Variants in ZNF718 observed in about 807,000 individuals in gnomAD.
ZNF718 encodes zinc finger protein 718.
ZNF718 carries 3 observed loss-of-function variants against 2.6 expected under a neutral mutation model. That is an observed-to-expected ratio of 1.16 (90% confidence interval 0.53 to 3.01). ZNF718 has a LOEUF of 3.01. Among genes scored for constraint, ZNF718 ranks in the 30% most tolerant of loss-of-function variants. ZNF718 has a pLI of 0.03. For missense variants in ZNF718, 468 were observed against 230.0 expected (o/e 2.03, Z -6.69); for synonymous variants, 135 against 77.9 (o/e 1.73, Z -3.86).
chr4:136,296 T>C (rs1303283585), intron 3 of ZNF718: 2 of 497,898 alleles, frequency 4.0e-6, no homozygotes, highest in Non-Finnish European at 8.0e-6. Context: ...GGACTGTGGC[T>C]GTGAGGGCTA....
chr4:199,738 G>A (rs1553822499), intron 3 of ZNF718, among the ~76,000 whole-genome samples: 1 of 152,164 alleles, frequency 6.6e-6, no homozygotes, highest in East Asian at 1.9e-4. Context: ...GTGACTTGCT[G>A]GGTTTGGGGA....
At chr4:126,270 A>G (rs1715215913) in intron 1 of ZNF718, among the ~76,000 whole-genome samples, 1 of 152,214 alleles carries the variant, frequency 6.6e-6, no homozygotes. Context: ...AGGCTTAATG[A>G]TTTCTCTTTA....
At chr4:142,253 C>T (rs1223577461) in intron 3 of ZNF718, among the ~76,000 whole-genome samples, 1 of 152,156 alleles carries the variant, frequency 6.6e-6, no homozygotes, top group Non-Finnish European at 1.5e-5. Context: ...AAAACTCTTA[C>T]CTTTGAATTT....
intron 3 of ZNF718, among the ~76,000 whole-genome samples, chr4:141,593 G>A (rs1553810251): frequency 6.6e-6 from 1 of 152,136 alleles, no homozygotes; most frequent in Non-Finnish European, 1.5e-5. Flanking sequence ...TATTTGACAT[G>A]TTTGGGTACA....
intron 3 of ZNF718, among the ~76,000 whole-genome samples, chr4:195,229 T>G (rs1717768710): frequency 6.6e-6 from 1 of 152,196 alleles, no homozygotes; most frequent in East Asian, 1.9e-4. Flanking sequence ...ATTGAGATAG[T>G]TTTTTGATTC....
intron 3 of ZNF718, among the ~76,000 whole-genome samples, chr4:199,074 T>G (rs1318827691): frequency 6.6e-6 from 1 of 152,184 alleles, no homozygotes; most frequent in Non-Finnish European, 1.5e-5. Flanking sequence ...AACAAAATTA[T>G]GTGTGTGAGC....
chr4:184,989 T>A (rs1717539352), intron 3 of ZNF718, among the ~76,000 whole-genome samples: 1 of 152,154 alleles, frequency 6.6e-6, no homozygotes, highest in Non-Finnish European at 1.5e-5. Context: ...TTTTTTTGTG[T>A]CTCTATTATG....
chr4:158,487 CCTTA>C (rs34009669), intron 3 of ZNF718, among the ~76,000 whole-genome samples: 79,021 of 150,682 alleles, frequency 0.52, 21,047 homozygotes, highest in East Asian at 0.8. Flanking sequence ...ATTGATAGGC[CCTTA>C]CTTCTTGTTT....
At chr4:124,761 G>C in intron 1 of ZNF718, 88 bp downstream of exon 1, 5 of 1,554,674 alleles carry the variant, frequency 3.2e-6, no homozygotes, top group Non-Finnish European at 4.4e-6. Context: ...GTCTGTGAAT[G>C]GAGTTCCCGC....
At chr4:146,982 T>G (rs781914340) in intron 3 of ZNF718, among the ~76,000 whole-genome samples, 1 of 152,180 alleles carries the variant, frequency 6.6e-6, no homozygotes, top group Admixed American at 6.5e-5. Flanking sequence ...TATTTTTTAT[T>G]TTTCTTGAGA....
rs1388617709 is a variant in ZNF718, at chr4:130,485, C to T, written c.4-303C>T. Among the ~76,000 whole-genome samples the T allele has an allele frequency of 2.1e-4, 22 of 102,918 alleles. 4 individuals carry two copies. Among genetic ancestry groups the T allele is most frequent in the Admixed American group, 7.3e-4 (7 of 9,528 alleles). The allele number at this position is 102,918 out of a possible 152,430, so 67.5% of individuals were successfully genotyped here. On this transcript the variant is annotated intron_variant, in intron 1 of 3. Transcript: ENST00000510175. The stretch of plus-strand genomic sequence containing the variant: ...GTTTTTGGTTAGGCGCGGTGGCTCA[C>T]GCCTGTAATCCCAGCACTTTGGGAA...
At chr4:198,576 G>A (rs1292262097) in intron 3 of ZNF718, among the ~76,000 whole-genome samples, 7 of 152,190 alleles carry the variant, frequency 4.6e-5, no homozygotes, top group African/African-American at 1.4e-4. Flanking sequence ...GGAAGGGAAA[G>A]TTACCAGGAC....
chr4:126,957 T>C (rs1206645435), intron 1 of ZNF718, among the ~76,000 whole-genome samples: 8 of 151,972 alleles, frequency 5.3e-5, no homozygotes, highest in Non-Finnish European at 1.2e-4. Flanking sequence ...TCCTGAGTAG[T>C]TGGGATTACA....
At chr4:137,696 G>T (rs1484069251) in intron 3 of ZNF718, among the ~76,000 whole-genome samples, 1 of 151,388 alleles carries the variant, frequency 6.6e-6, no homozygotes, top group Non-Finnish European at 1.5e-5. Context: ...CTTACTCTTT[G>T]TTGACTTTTT....
chr4:159,921 A>G (rs1340260091), intron 3 of ZNF718, among the ~76,000 whole-genome samples: 1 of 152,194 alleles, frequency 6.6e-6, no homozygotes, highest in African/African-American at 2.4e-5. Context: ...ATAGTCTGAA[A>G]CCAGTTGTCT....
At chr4:152,517 GC>G (rs1255035522) in intron 3 of ZNF718, among the ~76,000 whole-genome samples, 7 of 150,212 alleles carry the variant, frequency 4.7e-5, no homozygotes, top group Non-Finnish European at 1.0e-4. Context: ...ATCTTGCACC[GC>G]CCTTAATCCA....
At chr4:155,700 C>CA (rs142585442) in intron 3 of ZNF718, among the ~76,000 whole-genome samples, 1,930 of 152,224 alleles carry the variant, frequency 0.013, 46 homozygotes, top group African/African-American at 0.044. Flanking sequence ...TACTTTCTCT[C>CA]AATGAGACTT....
intron 3 of ZNF718, among the ~76,000 whole-genome samples, chr4:184,667 T>C (rs1234709991): frequency 6.6e-6 from 1 of 152,172 alleles, no homozygotes; most frequent in South Asian, 2.1e-4. Flanking sequence ...CAGTAGACTC[T>C]CTATTACTGT....
intron 3 of ZNF718, among the ~76,000 whole-genome samples, chr4:191,408 C>T (rs1241918487): frequency 6.6e-6 from 1 of 151,934 alleles, no homozygotes. Flanking sequence ...TGCCTCAGCT[C>T]CCCGAAGTGT....
Sources: gnomAD v4.1 joint callset for allele counts (sites outside exome capture counted in the v4.1 genomes callset) on GRCh38, gnomAD v4.1.1 for gene constraint, MANE v1.5 for transcripts, NCBI Gene and HGNC (gene_info 2026-07-23, HGNC 2026-07-21) for gene names.